Variants in NCKAP5 observed in about 807,000 individuals in gnomAD.
The protein encoded by NCKAP5 is NCK associated protein 5.
Under a neutral mutation model 167.0 loss-of-function variants are expected in NCKAP5, and 92 were observed. The observed-to-expected ratio is 0.55, with a 90% confidence interval of 0.47 to 0.66. The LOEUF is 0.66. NCKAP5 is among the 30% of genes least tolerant of loss of function. The pLI, the probability that NCKAP5 is intolerant of heterozygous loss-of-function variation, is 0.00. For synonymous variants in NCKAP5, 891 were observed against 877.4 expected (o/e 1.02, Z -0.27); for missense variants, 2,378 against 2,315.0 (o/e 1.03, Z -0.56).
chr2:133,112,256 C>T (rs573001866), intron 6 of NCKAP5, among the ~76,000 whole-genome samples: 47 of 152,142 alleles, frequency 3.1e-4, no homozygotes, highest in African/African-American at 1.1e-3. Context: ...AGGTGGATCA[C>T]GAGGTCAGGA....
intron 3 of NCKAP5, among the ~76,000 whole-genome samples, chr2:133,350,299 G>C (rs1450637126): frequency 6.6e-6 from 1 of 152,164 alleles, no homozygotes; most frequent in Non-Finnish European, 1.5e-5. Flanking sequence ...TGTAATCCTA[G>C]TTACTCAGGA....
rs377093430 is a variant in NCKAP5, at chr2:132,783,202, C to T, written c.3609G>A (p.Ala1203=). 2.9e-5 allele frequency: 47 copies of T among 1,613,854 alleles called. 2 individuals are homozygous for T. In the Admixed American group the frequency reaches 3.8e-4, roughly 13 times the overall value. Residue 1203 remains alanine, a synonymous_variant, in exon 14 of 20, where the codon GCG becomes GCA. Coordinates refer to ENST00000409261, the MANE Select transcript of NCKAP5 (RefSeq NM_207363.3). ...CCGGTAGGGTCACATTTCTTTCACC[C>T]GCTGTGATCTCCATGCTTGCTGGAT... ...SKNPASMEIT[A]GERNVTLPDS...
chr2:133,183,204 A>C (rs1275068862), intron 5 of NCKAP5, among the ~76,000 whole-genome samples: 1 of 152,262 alleles, frequency 6.6e-6, no homozygotes, highest in Non-Finnish European at 1.5e-5. Context: ...AATTAACACC[A>C]ATTTTATACA....
chr2:133,406,896 A>G (rs1186345036), intron 3 of NCKAP5, among the ~76,000 whole-genome samples: 2 of 152,170 alleles, frequency 1.3e-5, no homozygotes, highest in African/African-American at 4.8e-5. Context: ...CATTATTCCT[A>G]TCAAACCCAA....
intron 6 of NCKAP5, among the ~76,000 whole-genome samples, chr2:133,063,599 AT>A (rs534694562): frequency 7.9e-5 from 12 of 151,434 alleles, no homozygotes; most frequent in Non-Finnish European, 1.6e-4. Context: ...AACTCATCAC[AT>A]TTTTTTTTCC....
At chr2:133,155,468 T>C (rs2083540368) in intron 5 of NCKAP5, among the ~76,000 whole-genome samples, 1 of 152,202 alleles carries the variant, frequency 6.6e-6, no homozygotes, top group South Asian at 2.1e-4. Context: ...CACAGCTCTT[T>C]CCCTGGAAGG....
At chr2:132,959,023 T>C (rs1195683424) in intron 8 of NCKAP5, among the ~76,000 whole-genome samples, 1 of 147,800 alleles carries the variant, frequency 6.8e-6, no homozygotes, top group Non-Finnish European at 1.5e-5. Context: ...AGATATTTAA[T>C]ATATTTACTA....
At chr2:133,576,085 G>C in the NCKAP5 span, among the ~76,000 whole-genome samples, 1 of 152,176 alleles carries the variant, frequency 6.6e-6, no homozygotes, top group African/African-American at 2.4e-5. Context: ...AAAAGGTAAG[G>C]CAAAATAGGT....
At chr2:132,855,964 A>C (rs924907497) in intron 11 of NCKAP5, among the ~76,000 whole-genome samples, 2 of 152,178 alleles carry the variant, frequency 1.3e-5, no homozygotes, top group Non-Finnish European at 2.9e-5. Flanking sequence ...GGAGATCAAG[A>C]CCATCCTGGC....
intron 5 of NCKAP5, among the ~76,000 whole-genome samples, chr2:133,187,051 T>C (rs2084976514): frequency 6.6e-6 from 1 of 152,086 alleles, no homozygotes; most frequent in South Asian, 2.1e-4. Context: ...GTCAGATTGT[T>C]AATTTGAGAT....
At position 133,078,736 on chromosome 2, in the gene NCKAP5, A is replaced by C. The variant is rs113095271; in HGVS notation, c.341+51242T>G. ...CCTTTCCCTTAAACAGTCTTTTAGT[A>C]TTTTCTGTTCACTTCAGATGGATTT... On this transcript the variant is annotated intron_variant, in intron 6 of 19. Coordinates refer to ENST00000409261, the MANE Select transcript of NCKAP5 (RefSeq NM_207363.3). 5.7e-3 allele frequency among the ~76,000 whole-genome samples: 863 copies of C among 151,962 alleles called. 8 individuals are homozygous for C. Among genetic ancestry groups the C allele is most frequent in the African/African-American group, 0.019 (777 of 41,424 alleles).
At chr2:133,099,851 C>G (rs76505198) in intron 6 of NCKAP5, among the ~76,000 whole-genome samples, 2 of 152,174 alleles carry the variant, frequency 1.3e-5, no homozygotes, top group Non-Finnish European at 2.9e-5. Context: ...CTGCTGTCTG[C>G]TTTTGCACAT....
At chr2:133,244,458 T>C (rs1293458950) in intron 4 of NCKAP5, among the ~76,000 whole-genome samples, 1 of 152,198 alleles carries the variant, frequency 6.6e-6, no homozygotes, top group Non-Finnish European at 1.5e-5. Flanking sequence ...TAACCCTATT[T>C]TATGCACAGT....
chr2:132,791,052 C>G (rs1321345036), intron 12 of NCKAP5, among the ~76,000 whole-genome samples: 1 of 152,180 alleles, frequency 6.6e-6, no homozygotes, highest in South Asian at 2.1e-4. Context: ...CCGGGCTACC[C>G]ACTGCCACTA....
chr2:133,538,263 T>C (rs565535698), intron 2 of NCKAP5, among the ~76,000 whole-genome samples: 36 of 152,334 alleles, frequency 2.4e-4, no homozygotes, highest in African/African-American at 7.7e-4. Context: ...AAAGAAATTG[T>C]GGTTACTTTG....
chr2:133,472,644 A>G (rs1679447670), intron 3 of NCKAP5, among the ~76,000 whole-genome samples: 1 of 152,102 alleles, frequency 6.6e-6, no homozygotes, highest in Admixed American at 6.6e-5. Context: ...CGAGACCCAT[A>G]TGTACTAACC....
At chr2:133,474,155 TACA>T (rs1410461692) in intron 3 of NCKAP5, among the ~76,000 whole-genome samples, 69 of 142,648 alleles carry the variant, frequency 4.8e-4, no homozygotes, top group African/African-American at 1.9e-3. Context: ...TATCTATCTA[TACA>T]CACACACACA....
At chr2:133,338,604 T>A (rs1303468892) in intron 3 of NCKAP5, among the ~76,000 whole-genome samples, 1 of 152,190 alleles carries the variant, frequency 6.6e-6, no homozygotes, top group African/African-American at 2.4e-5. Context: ...AGGAGGCCTG[T>A]TATATGGTGT....
At chr2:133,064,882 T>C (rs1301618095) in intron 6 of NCKAP5, among the ~76,000 whole-genome samples, 1 of 152,236 alleles carries the variant, frequency 6.6e-6, no homozygotes, top group East Asian at 1.9e-4. Context: ...CTTAAAAGTT[T>C]ATTAAAGTGA....
Sources: allele counts gnomAD v4.1 joint callset (sites outside exome capture counted in the v4.1 genomes callset), GRCh38; gene constraint gnomAD v4.1.1; transcripts MANE v1.5; gene names NCBI Gene and HGNC (gene_info 2026-07-23, HGNC 2026-07-21).